Variants in ST7 observed in about 807,000 individuals in gnomAD.
ST7 encodes suppression of tumorigenicity 7, also known as suppressor of tumorigenicity 7 protein.
In ST7, 28 loss-of-function variants were observed where a neutral mutation model predicts 78.7. That is an observed-to-expected ratio of 0.36 (90% CI 0.26 to 0.49). ST7 has a LOEUF of 0.49. Among genes scored for constraint, ST7 ranks in the 20% least tolerant of loss-of-function variants. The pLI, the probability that ST7 is intolerant of heterozygous loss-of-function variation, is 0.99. For missense variants in ST7, 418 were observed against 696.0 expected (o/e 0.60, Z 4.49); for synonymous variants, 247 against 249.6 (o/e 0.99, Z 0.10).
chr7:117,012,247 G>C (rs1044685330), intron 1 of ST7, among the ~76,000 whole-genome samples: 28 of 151,402 alleles, frequency 1.8e-4, no homozygotes, highest in African/African-American at 6.5e-4. Context: ...GCCCACTGTA[G>C]ATTTGGTTTT....
intron 1 of ST7, among the ~76,000 whole-genome samples, chr7:117,031,827 T>TGTGTGTATATATATG (rs1268200918): frequency 0.016 from 173 of 10,508 alleles, 27 homozygotes; most frequent in Middle Eastern, 0.038. Context: ...TATATCTATA[T>TGTGTGTATATATATG]CTATATCTAT....
intron 1 of ST7, among the ~76,000 whole-genome samples, chr7:117,088,455 G>GT (rs1800327656): frequency 6.6e-6 from 1 of 152,096 alleles, no homozygotes. Context: ...ATGTTATTCC[G>GT]TTATACTTGT....
intron 12 of ST7, among the ~76,000 whole-genome samples, chr7:117,205,824 A>T (rs984760488): frequency 3.3e-5 from 5 of 152,236 alleles, no homozygotes; most frequent in African/African-American, 1.2e-4. Flanking sequence ...GTGTGATTTT[A>T]TCTGGGAAGG....
intron 1 of ST7, among the ~76,000 whole-genome samples, chr7:117,095,333 T>C (rs955359008): frequency 1.3e-5 from 2 of 152,156 alleles, no homozygotes; most frequent in African/African-American, 4.8e-5. Context: ...CTCACTGGGG[T>C]GATTCTTCAC....
At chr7:117,065,559 C>T (rs1305041348) in intron 1 of ST7, among the ~76,000 whole-genome samples, 1 of 152,138 alleles carries the variant, frequency 6.6e-6, no homozygotes, top group African/African-American at 2.4e-5. Context: ...CTTTTGTATT[C>T]TATCCAGTGC....
At chr7:117,062,251 A>G (rs1037382883) in intron 1 of ST7, among the ~76,000 whole-genome samples, 6 of 152,196 alleles carry the variant, frequency 3.9e-5, no homozygotes, top group Non-Finnish European at 5.9e-5. Flanking sequence ...CAAAGGCCCC[A>G]TCTCCAAATA....
chr7:117,125,566 TA>T (rs757609857), intron 3 of ST7, among the ~76,000 whole-genome samples: 34 of 152,132 alleles, frequency 2.2e-4, no homozygotes, highest in Non-Finnish European at 4.6e-4. Context: ...AGAATATGGA[TA>T]TTTTTACTAA....
chr7:117,226,729 G>C (rs1793471462), intron 15 of ST7, among the ~76,000 whole-genome samples: 1 of 152,150 alleles, frequency 6.6e-6, no homozygotes, highest in Non-Finnish European at 1.5e-5. Context: ...CTTGCTGTGG[G>C]GGAAGGTGGC....
At chr7:117,051,640 G>A (rs1215246869) in intron 1 of ST7, among the ~76,000 whole-genome samples, 1 of 152,208 alleles carries the variant, frequency 6.6e-6, no homozygotes, top group African/African-American at 2.4e-5. Flanking sequence ...AGGAGTGGAA[G>A]CAGGAGGCCG....
intron 1 of ST7, among the ~76,000 whole-genome samples, chr7:117,050,968 A>G (rs1235060304): frequency 3.3e-5 from 5 of 151,708 alleles, no homozygotes; most frequent in Admixed American, 6.6e-5. Context: ...TTTTCAGGCT[A>G]TGCGGTTTGA....
At chr7:117,229,067 T>G (rs182542558) in intron 15 of ST7, among the ~76,000 whole-genome samples, 1 of 152,352 alleles carries the variant, frequency 6.6e-6, no homozygotes, top group Admixed American at 6.5e-5. Flanking sequence ...CACTTGGCTT[T>G]CTTAAAAGAC....
intron 1 of ST7, among the ~76,000 whole-genome samples, chr7:117,070,419 G>A (rs1250586444): frequency 1.3e-5 from 2 of 152,224 alleles, no homozygotes; most frequent in Non-Finnish European, 2.9e-5. Context: ...GTGGTTGTCA[G>A]GGAATGGGAG....
At chr7:117,189,456 A>G in intron 11 of ST7, 63 bp downstream of exon 11, 2 of 1,362,796 alleles carry the variant, frequency 1.5e-6, no homozygotes, top group South Asian at 1.4e-5. Context: ...GTTGCCTCTG[A>G]GGGCTTTCTC....
At chr7:117,153,441 G>T (rs546517404) in intron 9 of ST7, among the ~76,000 whole-genome samples, 38 of 152,246 alleles carry the variant, frequency 2.5e-4, no homozygotes, top group Admixed American at 3.9e-4. Flanking sequence ...GAAAAAGTGA[G>T]TAGAGTAAAA....
intron 15 of ST7, chr7:117,223,001 C>G (rs1362299223): frequency 6.4e-7 from 1 of 1,550,668 alleles, no homozygotes; most frequent in East Asian, 2.2e-5. Flanking sequence ...CCTCTTCCCC[C>G]ACCACCAAAA....
intron 1 of ST7, among the ~76,000 whole-genome samples, chr7:117,077,242 A>G (rs368794187): frequency 3.3e-5 from 5 of 152,238 alleles, no homozygotes; most frequent in African/African-American, 1.2e-4. Context: ...GGTGGGGCAG[A>G]CCATGGGCAG....
chr7:117,129,491 G>A (rs115967166), intron 3 of ST7, among the ~76,000 whole-genome samples: 106 of 151,984 alleles, frequency 7.0e-4, no homozygotes, highest in Non-Finnish European at 1.2e-3. Flanking sequence ...TAAATTCATA[G>A]AATCAGTTTG....
At chr7:117,189,198 A>G in intron 10 of ST7, 123 bp from the exon 11 acceptor site, 1 of 576,948 alleles carries the variant, frequency 1.7e-6, no homozygotes, top group Non-Finnish European at 3.0e-6. Flanking sequence ...TAATGTCTGT[A>G]TTAAAATATT....
At chr7:117,191,724 A>C (rs1809804232) in intron 12 of ST7, 1 of 152,202 alleles carries the variant, frequency 6.6e-6, no homozygotes, top group Non-Finnish European at 1.5e-5. Context: ...TATTAAGTAC[A>C]TTTTGGCCTC....
Sources: gnomAD v4.1 joint callset for allele counts (sites outside exome capture counted in the v4.1 genomes callset) on GRCh38, gnomAD v4.1.1 for gene constraint, MANE v1.5 for transcripts, NCBI Gene and HGNC (gene_info 2026-07-23, HGNC 2026-07-21) for gene names.